The following THRB variants were observed in gnomAD, a reference collection of about 807,000 sequenced individuals.
The protein encoded by THRB is nuclear receptor subfamily 1 group A member 2.
THRB carries 12 observed loss-of-function variants against 47.8 expected under a neutral mutation model. That is an observed-to-expected ratio of 0.25 (90% CI 0.16 to 0.41). The LOEUF is 0.41. Among genes scored for constraint, THRB ranks in the 10% least tolerant of loss-of-function variants. The probability of loss-of-function intolerance (pLI) is 1.00; values close to 1 mark genes in which losing one functional copy is unlikely to be tolerated. For synonymous variants in THRB, 218 were observed against 212.2 expected, an observed-to-expected ratio of 1.03 and a Z score of -0.24; for missense variants, 348 against 589.2, an observed-to-expected ratio of 0.59 and a Z score of 4.24.
At chr3:24,403,187 GT>G (rs2067556855) in intron 1 of THRB, among the ~76,000 whole-genome samples, 1 of 151,892 alleles carries the variant, frequency 6.6e-6, no homozygotes, top group Admixed American at 6.6e-5. Context: ...AATCATTTAT[GT>G]AAAATTTTTT....
intron 4 of THRB, among the ~76,000 whole-genome samples, chr3:24,192,286 A>G (rs1331624033): frequency 6.6e-6 from 1 of 152,170 alleles, no homozygotes; most frequent in Non-Finnish European, 1.5e-5. Flanking sequence ...TGAGCTAAAT[A>G]TAAAGTTACT....
chr3:24,121,184 T>G lies in THRB; in HGVS notation c.*1700A>C, dbSNP rs2031620628. The G allele has an allele frequency of 6.6e-6, 1 of 152,352 alleles. No homozygotes were observed. Among genetic ancestry groups the G allele is most frequent in the Non-Finnish European group, 1.5e-5 (1 of 68,030 alleles). The allele number at this position is 152,352 out of a possible 1,614,324, so 9.4% of individuals were successfully genotyped here. ...ACAATATTAAGGGCAGGAAGGGTTT[T>G]AGAGATCATGACTTATTCACCAGGT... On this transcript the variant is annotated 3_prime_UTR_variant, in exon 11 of 11. Transcript: ENST00000646209.
intron 2 of THRB, among the ~76,000 whole-genome samples, chr3:24,333,963 A>C (rs184743487): frequency 7.9e-5 from 12 of 152,206 alleles, no homozygotes; most frequent in African/African-American, 2.4e-4. Context: ...TTCCTTGCTC[A>C]TCCCAGTCCC....
chr3:24,175,033 G>A (rs1453570398), intron 5 of THRB, among the ~76,000 whole-genome samples: 2 of 152,138 alleles, frequency 1.3e-5, no homozygotes, highest in Non-Finnish European at 2.9e-5. Flanking sequence ...GATTCTTCGT[G>A]GTTTGTCATC....
intron 1 of THRB, among the ~76,000 whole-genome samples, chr3:24,379,811 A>G (rs2065561055): frequency 6.6e-6 from 1 of 151,806 alleles, no homozygotes; most frequent in Admixed American, 6.6e-5. Context: ...TTCTCTTTAA[A>G]CCCTGTTACT....
intron 1 of THRB, among the ~76,000 whole-genome samples, chr3:24,492,684 G>T (rs1393363797): frequency 1.3e-5 from 2 of 152,154 alleles, no homozygotes; most frequent in African/African-American, 4.8e-5. Flanking sequence ...CTTTCCCAAA[G>T]ATAATGGATT....
intron 4 of THRB, 144 bp downstream of exon 4, chr3:24,228,794 G>T: frequency 1.4e-6 from 1 of 734,748 alleles, no homozygotes; most frequent in Non-Finnish European, 2.4e-6. Context: ...TTTCTAGGGA[G>T]GTATTCACAG....
chr3:24,320,995 C>A (rs1180756829), intron 2 of THRB, among the ~76,000 whole-genome samples: 1 of 152,224 alleles, frequency 6.6e-6, no homozygotes, highest in Non-Finnish European at 1.5e-5. Context: ...CTACCCAGGT[C>A]TCTTTCTCTT....
At chr3:24,399,366 C>A (rs765403685) in intron 1 of THRB, among the ~76,000 whole-genome samples, 29 of 151,978 alleles carry the variant, frequency 1.9e-4, no homozygotes, top group East Asian at 1.9e-4. Flanking sequence ...TTCTTTTCAA[C>A]CAACAGATGA....
chr3:24,337,958 G>A (rs1473234316), intron 1 of THRB, among the ~76,000 whole-genome samples: 1 of 152,188 alleles, frequency 6.6e-6, no homozygotes, highest in Admixed American at 6.5e-5. Context: ...CAAACAAGAT[G>A]AGAAAGGCAG....
chr3:24,198,893 G>T (rs899550213), intron 4 of THRB, among the ~76,000 whole-genome samples: 1 of 152,044 alleles, frequency 6.6e-6, no homozygotes, highest in Non-Finnish European at 1.5e-5. Flanking sequence ...GTGTCTTCCT[G>T]GCCACTGGCT....
At chr3:24,233,587 G>GAAAGA (rs1553658384) in intron 3 of THRB, among the ~76,000 whole-genome samples, 21 of 112,138 alleles carry the variant, frequency 1.9e-4, no homozygotes, top group African/African-American at 6.1e-4. Flanking sequence ...AAGAAAGAAA[G>GAAAGA]AAAGAAAGAA....
At chr3:24,490,382 A>C (rs1411673100) in intron 1 of THRB, among the ~76,000 whole-genome samples, 1 of 152,228 alleles carries the variant, frequency 6.6e-6, no homozygotes, top group Non-Finnish European at 1.5e-5. Context: ...ACTCTGGACA[A>C]ATCCAAGTCC....
At chr3:24,284,732 C>G (rs1464735929) in intron 3 of THRB, among the ~76,000 whole-genome samples, 3 of 149,318 alleles carry the variant, frequency 2.0e-5, no homozygotes, top group Admixed American at 6.6e-5. Flanking sequence ...AACAGATTTA[C>G]AAGAAAAAAA....
intron 2 of THRB, among the ~76,000 whole-genome samples, chr3:24,319,789 T>C (rs1378071983): frequency 2.0e-5 from 3 of 152,182 alleles, no homozygotes; most frequent in Non-Finnish European, 4.4e-5. Context: ...CCATCACTCA[T>C]ATAAAATTCA....
At chr3:24,376,904 G>A (rs2065335395) in intron 1 of THRB, among the ~76,000 whole-genome samples, 1 of 152,062 alleles carries the variant, frequency 6.6e-6, no homozygotes, top group East Asian at 1.9e-4. Flanking sequence ...AAAGTGAATA[G>A]CTGCTGTTTC....
At chr3:24,304,899 G>GA (rs2057231594) in intron 2 of THRB, among the ~76,000 whole-genome samples, 1 of 152,042 alleles carries the variant, frequency 6.6e-6, no homozygotes, top group African/African-American at 2.4e-5. Context: ...GTGAAACCTA[G>GA]AAAAAATGGA....
At position 24,216,338 on chromosome 3, in the gene THRB, G is replaced by A. The variant is rs556004693; in HGVS notation, c.22+12600C>T. Among the ~76,000 whole-genome samples, 10 of 152,286 alleles carry A rather than the reference G, an allele frequency of 6.6e-5. 2 individuals are homozygous for A. In the South Asian group the frequency reaches 1.5e-3, roughly 22 times the overall value. On this transcript the variant is annotated intron_variant, in intron 4 of 10. Transcript: ENST00000646209. ...TAAAAATATGAATTGCTGGCTGGGC[G>A]CAGTGGCCAGTAATCCCAGCACTTT...
intron 1 of THRB, among the ~76,000 whole-genome samples, chr3:24,475,184 A>C (rs901387734): frequency 4.6e-5 from 7 of 152,210 alleles, no homozygotes; most frequent in Non-Finnish European, 1.0e-4. Context: ...GATTTTTTTC[A>C]AGTGAGCAAA....
Sources: allele counts gnomAD v4.1 joint callset (sites outside exome capture counted in the v4.1 genomes callset), GRCh38; gene constraint gnomAD v4.1.1; transcripts MANE v1.5; gene names NCBI Gene and HGNC (gene_info 2026-07-23, HGNC 2026-07-21).